STAT4: variants seen among roughly 807,000 people sequenced by gnomAD.
The protein encoded by STAT4 is signal transducer and activator of transcription 4.
In STAT4, 42 loss-of-function variants were observed where a neutral mutation model predicts 110.5. The ratio of observed to expected loss-of-function variants is 0.38; its 90% CI spans 0.30 to 0.49. STAT4 has a LOEUF of 0.49. STAT4 is among the 20% of genes least tolerant of loss of function. The pLI is 0.95. For missense variants in STAT4, 632 were observed against 887.9 expected (o/e 0.71, Z 3.66); for synonymous variants, 284 against 302.2 (o/e 0.94, Z 0.63).
At chr2:191,095,795 C>A (rs1032993226) in intron 3 of STAT4, among the ~76,000 whole-genome samples, 2 of 151,760 alleles carry the variant, frequency 1.3e-5, no homozygotes, top group South Asian at 2.1e-4. Context: ...GAGACACACA[C>A]AAAAAAATCC....
chr2:191,056,527 C>G (rs1315705041), intron 13 of STAT4, among the ~76,000 whole-genome samples: 1 of 152,062 alleles, frequency 6.6e-6, no homozygotes, highest in African/African-American at 2.4e-5. Context: ...AAAAATGAAA[C>G]CAGGAATGCC....
chr2:191,094,130 G>A (rs1050984137), intron 3 of STAT4, among the ~76,000 whole-genome samples: 1 of 152,198 alleles, frequency 6.6e-6, no homozygotes, highest in Admixed American at 6.5e-5. Flanking sequence ...GCCTGAAAGT[G>A]ACAGGGAGAA....
intron 3 of STAT4, among the ~76,000 whole-genome samples, chr2:191,124,935 C>T (rs1698836147): frequency 6.6e-6 from 1 of 152,186 alleles, no homozygotes; most frequent in South Asian, 2.1e-4. Context: ...TGCACCACTG[C>T]TATTCTATAC....
chr2:191,110,540 T>C lies in STAT4; in HGVS notation c.274-34215A>G, dbSNP rs545423845. Among the ~76,000 whole-genome samples the C allele has an allele frequency of 6.6e-6, 1 of 152,196 alleles. No homozygotes were observed. Among genetic ancestry groups the C allele is most frequent in the Non-Finnish European group, 1.5e-5 (1 of 68,000 alleles). The stretch of plus-strand genomic sequence containing the variant: ...TCCACGGGTATCTCTAACACACCAT[T>C]TGGAGCTGGGTGTCATACTAATTCC... On this transcript the variant is annotated intron_variant, in intron 3 of 23. Coordinates refer to ENST00000392320, the MANE Select transcript of STAT4 (RefSeq NM_003151.4). The surrounding 1 kb of genome is among the most constrained non-coding windows in gnomAD (Gnocchi z 4.5).
At chr2:191,089,724 A>G (rs115324179) in intron 3 of STAT4, among the ~76,000 whole-genome samples, 4,693 of 152,300 alleles carry the variant, frequency 0.031, 245 homozygotes, top group African/African-American at 0.11. Context: ...TTCAGCACCA[A>G]TAAGAAATGA....
chr2:191,123,981 T>C (rs1003819751), intron 3 of STAT4, among the ~76,000 whole-genome samples: 1 of 152,196 alleles, frequency 6.6e-6, no homozygotes, highest in Non-Finnish European at 1.5e-5. Context: ...GCAAAACCAA[T>C]TCCTTCCATC....
intron 3 of STAT4, among the ~76,000 whole-genome samples, chr2:191,093,196 T>C (rs183822489): frequency 6.6e-6 from 1 of 152,196 alleles, no homozygotes; most frequent in African/African-American, 2.4e-5. Context: ...AGAGCAGTGG[T>C]TCTCCCAGCA....
rs919748552 is a variant in STAT4 at position 191,077,379 on chromosome 2, T to C, written c.274-1054A>G. ...TGGATAGAACTAATCTGAACAACAC[T>C]ATCAATTTAGTCAATAGTATTAAAT... On this transcript the variant is annotated intron_variant, in intron 3 of 23. Transcript: ENST00000392320. This position sits in a 1 kb window ranked among gnomAD's most constrained non-coding sequence, Gnocchi z 4.1. Among the ~76,000 whole-genome samples, 1 of 152,228 alleles carries C rather than the reference T, an allele frequency of 6.6e-6. No individual in the cohort carries two copies. Among genetic ancestry groups the C allele is most frequent in the Non-Finnish European group, 1.5e-5 (1 of 68,038 alleles).
intron 13 of STAT4, 101 bp downstream of exon 13, chr2:191,057,917 G>T: frequency 9.0e-7 from 1 of 1,116,100 alleles, no homozygotes; most frequent in Non-Finnish European, 1.3e-6. Flanking sequence ...TTTCAAATAA[G>T]AAATATTTAA....
rs1699558942 is a variant in STAT4 at position 191,150,192 on chromosome 2, C to A, written c.-2+755G>T. On this transcript the variant is annotated intron_variant, in intron 1 of 23. Coordinates refer to ENST00000392320, the MANE Select transcript of STAT4 (RefSeq NM_003151.4). This position sits in a 1 kb window ranked among gnomAD's most constrained non-coding sequence, Gnocchi z 6.4. ...CACCGAAAAAAATCACTACTAAGAT[C>A]TGAGTCTTTCGGAGAGCTGAATTCA... 6.6e-6 allele frequency among the ~76,000 whole-genome samples: 1 copy of A among 151,980 alleles called. No individual in the cohort carries two copies. The highest frequency in any genetic ancestry group is 6.6e-5 in the Admixed American group (1 of 15,260).
In STAT4 at chr2:191,058,761, A is replaced by G. The variant is rs1374240747; in HGVS notation, c.1043T>C (p.Ile348Thr). 11 of 1,582,980 alleles carry G rather than the reference A, an allele frequency of 6.9e-6. No individual in the cohort carries two copies. The highest frequency in any genetic ancestry group is 9.5e-6 in the Non-Finnish European group (11 of 1,159,798). ...IQFTVKLRLL[I>T]KLPELNYQVK... ...CTGATAGTTTAGTTCTGGCAATTTT[A>G]TTAGTAGCCTGGAAAGAGATATCAA... is the stretch of plus-strand genomic sequence containing the variant. The change falls in exon 11 of 24, where the codon ATA becomes ACA. Residue 348 changes from isoleucine (I) to threonine (T), a missense_variant. Physicochemically the swap from Ile to Thr is moderately conservative, Grantham distance 89. This residue lies in a region of STAT4 where 488 missense variants were observed against 632.8 expected (regional missense o/e 0.77). Transcript: ENST00000392320. This position sits in a 1 kb window ranked among gnomAD's most constrained non-coding sequence, Gnocchi z 4.3.
rs1351847740 is a variant in STAT4, at chr2:191,112,113, C to T, written c.273+34500G>A. Among the ~76,000 whole-genome samples, 1 of 151,936 alleles carries T rather than the reference C, an allele frequency of 6.6e-6. No homozygotes were observed. The highest frequency in any genetic ancestry group is 1.5e-5 in the Non-Finnish European group (1 of 68,010). ...ATGTCAAAACTTGTCAGATTGTACACTTTAAATATATATATATTGTATGTC... is the reference window on the plus strand; with the variant it reads ...ATGTCAAAACTTGTCAGATTGTACATTTTAAATATATATATATTGTATGTC... On this transcript the variant is annotated intron_variant, in intron 3 of 23. Transcript: ENST00000392320. This position sits in a 1 kb window ranked among gnomAD's most constrained non-coding sequence, Gnocchi z 4.3.
intron 3 of STAT4, among the ~76,000 whole-genome samples, chr2:191,111,575 G>A (rs1459444749): frequency 6.6e-6 from 1 of 152,176 alleles, no homozygotes; most frequent in African/African-American, 2.4e-5. Context: ...GCATGGGGCC[G>A]AGTGTGATGG....
At position 191,060,092 on chromosome 2, in the gene STAT4, C is replaced by A. The variant is rs116559765; in HGVS notation, c.1035-1323G>T. Among the ~76,000 whole-genome samples, 675 of 152,142 alleles carry A rather than the reference C, an allele frequency of 4.4e-3. 4 individuals carry two copies. The highest frequency in any genetic ancestry group is 0.016 in the African/African-American group (647 of 41,500). ...GGGTGCAGAGGAGGAGGATGGGTAC[C>A]CAATAGGTAGAAGAGGAAGACAGAG... On this transcript the variant is annotated intron_variant, in intron 10 of 23. Transcript: ENST00000392320. The surrounding 1 kb of genome is among the most constrained non-coding windows in gnomAD (Gnocchi z 4.5).
intron 3 of STAT4, among the ~76,000 whole-genome samples, chr2:191,127,423 T>C (rs1053831988): frequency 9.9e-5 from 15 of 152,232 alleles, no homozygotes; most frequent in African/African-American, 3.6e-4. Context: ...TATGCTTTTA[T>C]AACCAACCCA....
At chr2:191,038,881 GTTT>G (rs1165947830) in intron 16 of STAT4, among the ~76,000 whole-genome samples, 1 of 152,210 alleles carries the variant, frequency 6.6e-6, no homozygotes, top group Non-Finnish European at 1.5e-5. Flanking sequence ...GAGGTAAGAA[GTTT>G]CCTTCAGCTT....
intron 16 of STAT4, among the ~76,000 whole-genome samples, chr2:191,038,164 C>A (rs73981215): frequency 0.014 from 2,081 of 152,224 alleles, 27 homozygotes; most frequent in Middle Eastern, 0.034. Flanking sequence ...ATGTGTAGAT[C>A]TAATGGGGAT....
rs997399399 is a variant in STAT4 at position 191,066,751 on chromosome 2, TG to T, written c.545-237del. Among the ~76,000 whole-genome samples, 4 of 152,212 alleles carry T rather than the reference TG, an allele frequency of 2.6e-5. No individual in the cohort carries two copies. Among genetic ancestry groups the T allele is most frequent in the African/African-American group, 7.2e-5 (3 of 41,468 alleles). On this transcript the variant is annotated intron_variant, in intron 6 of 23. Coordinates refer to ENST00000392320, the MANE Select transcript of STAT4 (RefSeq NM_003151.4). This position sits in a 1 kb window ranked among gnomAD's most constrained non-coding sequence, Gnocchi z 4.3. ...AGCTTCAGGAAAAACCATTCTGCACTGGGTGTTTTGTTTTGTTTTGTTTTGG... is the reference window on the plus strand; with the variant it reads ...AGCTTCAGGAAAAACCATTCTGCACTGGTGTTTTGTTTTGTTTTGTTTTGG...
chr2:191,102,925 G>A (rs927275840), intron 3 of STAT4, among the ~76,000 whole-genome samples: 2 of 152,062 alleles, frequency 1.3e-5, no homozygotes, highest in Non-Finnish European at 2.9e-5. Context: ...TGCTTTAACT[G>A]TGACATCCAT....
Sources: allele counts gnomAD v4.1 joint callset (sites outside exome capture counted in the v4.1 genomes callset), GRCh38; gene constraint gnomAD v4.1.1; regional missense constraint gnomAD v4.1.1; non-coding constraint Gnocchi (gnomAD v3.1); transcripts MANE v1.5; gene names NCBI Gene and HGNC (gene_info 2026-07-23, HGNC 2026-07-21).